CLPB: variants seen among roughly 807,000 people sequenced by gnomAD.
CLPB encodes ClpB family mitochondrial disaggregase.
CLPB carries 40 observed loss-of-function variants against 78.4 expected under a neutral mutation model. That is an observed-to-expected ratio of 0.51 (90% confidence interval 0.40 to 0.66). The LOEUF is 0.66. Among genes scored for constraint, CLPB ranks in the 30% least tolerant of loss-of-function variants. The pLI, the probability that CLPB is intolerant of heterozygous loss-of-function variation, is 0.00. For synonymous variants in CLPB, 333 were observed against 348.0 expected (o/e 0.96, Z 0.48); for missense variants, 780 against 886.9 (o/e 0.88, Z 1.53).
chr11:72,375,072 CTA>C (rs1166920405), intron 4 of CLPB, among the ~76,000 whole-genome samples: 1 of 152,196 alleles, frequency 6.6e-6, no homozygotes, highest in African/African-American at 2.4e-5. Flanking sequence ...TAATATTCTG[CTA>C]ATATCTATTT....
At chr11:72,363,771 C>T (rs1449158183) in intron 4 of CLPB, among the ~76,000 whole-genome samples, 1 of 152,158 alleles carries the variant, frequency 6.6e-6, no homozygotes, top group Non-Finnish European at 1.5e-5. Flanking sequence ...GCTCCATGGC[C>T]TCTGCTCTAT....
chr11:72,361,731 T>C (rs757873739), intron 4 of CLPB, among the ~76,000 whole-genome samples: 62 of 152,214 alleles, frequency 4.1e-4, no homozygotes, highest in Non-Finnish European at 8.1e-4. Flanking sequence ...AAAGGTGTAA[T>C]CCATTTTACA....
intron 7 of CLPB, among the ~76,000 whole-genome samples, chr11:72,310,002 G>C (rs1696671248): frequency 6.6e-6 from 1 of 152,222 alleles, no homozygotes; most frequent in Admixed American, 6.5e-5. Flanking sequence ...TTCTCTGGAA[G>C]AGGCAGGACT....
At chr11:72,411,953 G>C (rs1007390516) in intron 2 of CLPB, 2 of 152,246 alleles carry the variant, frequency 1.3e-5, no homozygotes, top group African/African-American at 2.4e-5. Context: ...GCCCTGGCTG[G>C]AGCCTCACAG....
Position 72,434,393 on chromosome 11 carries a change from C to G in CLPB, c.82G>C (p.Gly28Arg). 6.2e-7 allele frequency: 1 copy of G among 1,609,402 alleles called. No individual in the cohort carries two copies. Among genetic ancestry groups the G allele is most frequent in the Non-Finnish European group, 8.5e-7 (1 of 1,177,010 alleles). ...TTCCGGCCGGAAGCACCTCCATGGC[C>G]CCGGAGCGTTGGGGACCTGAGCAGC... ...LRLLRSPTLR[G>R]HGGASGRNVT... The change falls in exon 1 of 16, where the codon GGC becomes CGC. Residue 28 changes from glycine to arginine, a missense_variant. By Grantham distance (125) the Gly-to-Arg change is moderately radical. Transcript: ENST00000538039.
chr11:72,407,243 T>A (rs1029279486), intron 2 of CLPB, among the ~76,000 whole-genome samples: 1 of 152,182 alleles, frequency 6.6e-6, no homozygotes, highest in African/African-American at 2.4e-5. Context: ...AGTGCCAAGG[T>A]CCTCTTCTGA....
chr11:72,319,241 A>C (rs1208156657), intron 6 of CLPB, among the ~76,000 whole-genome samples: 1 of 152,178 alleles, frequency 6.6e-6, no homozygotes, highest in Non-Finnish European at 1.5e-5. Context: ...GTACACTTAA[A>C]TAACTTCCTG....
chr11:72,302,006 C>CT (rs1439080910), intron 10 of CLPB, 42 bp from the exon 11 acceptor site: 1 of 1,602,784 alleles, frequency 6.2e-7, no homozygotes, highest in African/African-American at 1.3e-5. Context: ...CCTTTCTGTG[C>CT]TTTTAGTTTC....
rs548628671 is a variant in CLPB at position 72,366,327 on chromosome 11, G to C, written c.647-7319C>G. On this transcript the variant is annotated intron_variant, in intron 4 of 15. Transcript: ENST00000538039. The stretch of plus-strand genomic sequence containing the variant: ...CCTCCCAGGCTCAAGCGATTCCTCT[G>C]TGTCAGCCTCCCACATAGCTGGGAT... 3.9e-5 allele frequency among the ~76,000 whole-genome samples: 6 copies of C among 152,234 alleles called. No homozygotes were observed. The East Asian group carries it at 9.7e-4, about 24-fold the overall frequency.
intron 4 of CLPB, among the ~76,000 whole-genome samples, chr11:72,361,576 C>A (rs1387989262): frequency 1.3e-5 from 2 of 152,074 alleles, no homozygotes; most frequent in East Asian, 1.9e-4. Context: ...GGGAAAAGAA[C>A]AGGACAATGA....
chr11:72,407,716 G>A (rs1273777283), intron 2 of CLPB, among the ~76,000 whole-genome samples: 1 of 150,540 alleles, frequency 6.6e-6, no homozygotes, highest in Non-Finnish European at 1.5e-5. Flanking sequence ...GCACGATCTC[G>A]GCTCACTGCA....
intron 4 of CLPB, chr11:72,363,570 T>C (rs1950882686): frequency 6.6e-6 from 1 of 152,210 alleles, no homozygotes; most frequent in Non-Finnish European, 1.5e-5. Flanking sequence ...TTGTATCATG[T>C]TTTAAAGTGT....
chr11:72,386,896 G>A (rs1202501872), intron 3 of CLPB, among the ~76,000 whole-genome samples: 1 of 152,098 alleles, frequency 6.6e-6, no homozygotes, highest in African/African-American at 2.4e-5. Flanking sequence ...TACACAATTT[G>A]GATTAAGATT....
intron 5 of CLPB, among the ~76,000 whole-genome samples, chr11:72,341,586 T>G (rs1950421343): frequency 6.6e-6 from 1 of 152,136 alleles, no homozygotes; most frequent in Non-Finnish European, 1.5e-5. Flanking sequence ...GGAAAGGATA[T>G]TCCAGGCAAA....
At chr11:72,332,545 A>C (rs1026403992) in intron 5 of CLPB, among the ~76,000 whole-genome samples, 10 of 152,120 alleles carry the variant, frequency 6.6e-5, no homozygotes, top group Non-Finnish European at 1.0e-4. Context: ...AGGAAAGCAA[A>C]GGAGGTATAC....
chr11:72,405,188 A>G (rs1464957991), intron 2 of CLPB, among the ~76,000 whole-genome samples: 3 of 152,222 alleles, frequency 2.0e-5, no homozygotes, highest in Non-Finnish European at 2.9e-5. Context: ...GTGCACGTCA[A>G]TCAAGGCAAG....
intron 5 of CLPB, among the ~76,000 whole-genome samples, chr11:72,334,816 G>A (rs1382983558): frequency 6.6e-6 from 1 of 152,188 alleles, no homozygotes; most frequent in Non-Finnish European, 1.5e-5. Context: ...CAAACACCTG[G>A]AGCACCCCAG....
chr11:72,404,930 G>A (rs1855663530), intron 2 of CLPB, among the ~76,000 whole-genome samples: 1 of 152,176 alleles, frequency 6.6e-6, no homozygotes, highest in South Asian at 2.1e-4. Context: ...GGCCAAGAAT[G>A]TTAAAGACGC....
chr11:72,375,656 T>C (rs1017925239), intron 4 of CLPB, among the ~76,000 whole-genome samples: 2 of 152,220 alleles, frequency 1.3e-5, no homozygotes, highest in South Asian at 2.1e-4. Context: ...GCAGCTACCA[T>C]TGCATTTATC....
Sources: allele counts gnomAD v4.1 joint callset (sites outside exome capture counted in the v4.1 genomes callset), GRCh38; gene constraint gnomAD v4.1.1; transcripts MANE v1.5; gene names NCBI Gene and HGNC (gene_info 2026-07-23, HGNC 2026-07-21).